HSD17B12: variants seen among roughly 807,000 people sequenced by gnomAD.
HSD17B12 encodes the protein very-long-chain 3-oxoacyl-CoA reductase.
A neutral mutation model predicts 39.3 loss-of-function variants in HSD17B12; 32 were observed. The ratio of observed to expected loss-of-function variants is 0.81; its 90% CI spans 0.61 to 1.09. The LOEUF is 1.09. HSD17B12 is among the 50% of genes least tolerant of loss of function. The pLI is 0.00. For synonymous variants in HSD17B12, 150 were observed against 146.7 expected, an observed-to-expected ratio of 1.02 and a Z score of -0.16; for missense variants, 342 against 382.9, an observed-to-expected ratio of 0.89 and a Z score of 0.89.
chr11:43,578,508 C>G, the HSD17B12 span, among the ~76,000 whole-genome samples: 1 of 152,202 alleles, frequency 6.6e-6, no homozygotes. Flanking sequence ...ACAAATAACG[C>G]TGCAACCCAC....
chr11:43,685,170 G>A (rs944260885), intron 1 of HSD17B12, among the ~76,000 whole-genome samples: 1 of 152,146 alleles, frequency 6.6e-6, no homozygotes, highest in African/African-American at 2.4e-5. Context: ...GTTGCTGATG[G>A]AACTCGTTTG....
intron 4 of HSD17B12, among the ~76,000 whole-genome samples, chr11:43,810,394 TATATATATAA>T (rs146820920): frequency 0.072 from 8,045 of 111,356 alleles, 361 homozygotes; most frequent in African/African-American, 0.15. Flanking sequence ...TATATATATA[TATATATATAA>T]AATTCAGAAT....
chr11:43,742,112 A>AAT (rs1168038073), intron 1 of HSD17B12, among the ~76,000 whole-genome samples: 4,734 of 92,946 alleles, frequency 0.051, 135 homozygotes, highest in Non-Finnish European at 0.071. Flanking sequence ...AGGCAAAGGA[A>AAT]ATATATATAT....
intron 9 of HSD17B12, among the ~76,000 whole-genome samples, chr11:43,843,164 C>G (rs942602283): frequency 1.3e-5 from 2 of 151,920 alleles, no homozygotes; most frequent in African/African-American, 2.4e-5. Context: ...AATAAAGACT[C>G]AAATGTTTGT....
At chr11:43,736,260 C>T (rs575392448) in intron 1 of HSD17B12, among the ~76,000 whole-genome samples, 2 of 152,076 alleles carry the variant, frequency 1.3e-5, no homozygotes, top group African/African-American at 4.8e-5. Flanking sequence ...GAGTAACTGC[C>T]TTTAAGCAAA....
chr11:43,571,245 G>A, the HSD17B12 span, among the ~76,000 whole-genome samples: 3 of 152,174 alleles, frequency 2.0e-5, no homozygotes, highest in South Asian at 2.1e-4. Context: ...ACAAGGTTAA[G>A]GCTAAACTTA....
At chr11:43,767,663 C>G (rs1353372114) in intron 3 of HSD17B12, among the ~76,000 whole-genome samples, 2 of 152,026 alleles carry the variant, frequency 1.3e-5, no homozygotes, top group African/African-American at 2.4e-5. Flanking sequence ...ATACTAGAAT[C>G]AAAGAGAAAA....
intron 1 of HSD17B12, among the ~76,000 whole-genome samples, chr11:43,735,453 C>T (rs1003043465): frequency 1.3e-5 from 2 of 152,150 alleles, no homozygotes; most frequent in African/African-American, 2.4e-5. Context: ...TAAAAAATTA[C>T]GGTCAACCTA....
intron 9 of HSD17B12, among the ~76,000 whole-genome samples, chr11:43,842,572 C>T (rs754438359): frequency 3.0e-4 from 45 of 152,198 alleles, no homozygotes; most frequent in Non-Finnish European, 5.1e-4. Context: ...GTTAGTAATG[C>T]GAATGTTCTA....
At chr11:43,558,019 G>T in the HSD17B12 span, among the ~76,000 whole-genome samples, 1 of 152,176 alleles carries the variant, frequency 6.6e-6, no homozygotes, top group Admixed American at 6.5e-5. Flanking sequence ...TTTCCGTTGG[G>T]TTCTGGTCCT....
intron 1 of HSD17B12, among the ~76,000 whole-genome samples, chr11:43,738,611 G>T (rs1950337294): frequency 6.6e-6 from 1 of 152,172 alleles, no homozygotes; most frequent in Non-Finnish European, 1.5e-5. Context: ...AAAGCAGTGG[G>T]TAGGGTCATA....
intron 1 of HSD17B12, among the ~76,000 whole-genome samples, chr11:43,740,213 G>A (rs1950351667): frequency 6.6e-6 from 1 of 152,150 alleles, no homozygotes; most frequent in Non-Finnish European, 1.5e-5. Flanking sequence ...AGCATGAATT[G>A]AGTGAGGAGG....
the HSD17B12 span, among the ~76,000 whole-genome samples, chr11:43,571,725 G>A: frequency 6.6e-6 from 1 of 152,174 alleles, no homozygotes; most frequent in African/African-American, 2.4e-5. Context: ...AAGGGGGAAG[G>A]GGTGGAATTA....
chr11:43,619,200 TATATATATATATAAAATATATATATA>T, the HSD17B12 span, among the ~76,000 whole-genome samples: 241 of 49,546 alleles, frequency 4.9e-3, 1 homozygote, highest in African/African-American at 0.016. Flanking sequence ...ATATATATGA[TATATATATATATAAAATATATATATA>T]TGATATATAT....
At chr11:43,582,276 C>G in the HSD17B12 span, among the ~76,000 whole-genome samples, 1 of 152,092 alleles carries the variant, frequency 6.6e-6, no homozygotes, top group Non-Finnish European at 1.5e-5. Flanking sequence ...GGAACAGAAG[C>G]AGCAGCAGCA....
the HSD17B12 span, among the ~76,000 whole-genome samples, chr11:43,630,125 G>A: frequency 1.3e-5 from 2 of 151,972 alleles, no homozygotes; most frequent in African/African-American, 2.4e-5. Flanking sequence ...TGGCCTACAG[G>A]GTTCCTTATA....
chr11:43,691,531 G>A lies in HSD17B12; in HGVS notation c.160+10544G>A, dbSNP rs777761923. Among the ~76,000 whole-genome samples, 7 of 152,008 alleles carry A rather than the reference G, an allele frequency of 4.6e-5. No individual in the cohort carries two copies. In the East Asian group the frequency reaches 1.2e-3, roughly 25 times the overall value. On this transcript the variant is annotated intron_variant, in intron 1 of 10. Coordinates refer to ENST00000278353, the MANE Select transcript of HSD17B12 (RefSeq NM_016142.3). The stretch of plus-strand genomic sequence containing the variant: ...TGAATCTACCACTACAGTCTCTCTC[G>A]CATCCATACCTTCCTCTATGTTCTC...
At chr11:43,826,459 A>G (rs1238392612) in intron 6 of HSD17B12, among the ~76,000 whole-genome samples, 1 of 152,066 alleles carries the variant, frequency 6.6e-6, no homozygotes, top group Non-Finnish European at 1.5e-5. Flanking sequence ...ATTGGCATGG[A>G]GCTCTTTGTT....
chr11:43,669,273 G>T, the HSD17B12 span, among the ~76,000 whole-genome samples: 1 of 152,042 alleles, frequency 6.6e-6, no homozygotes, highest in African/African-American at 2.4e-5. Flanking sequence ...GGCTGAGGTG[G>T]GTGAATCACT....
Sources: gnomAD v4.1 joint callset for allele counts (sites outside exome capture counted in the v4.1 genomes callset) on GRCh38, gnomAD v4.1.1 for gene constraint, MANE v1.5 for transcripts, NCBI Gene and HGNC (gene_info 2026-07-23, HGNC 2026-07-21) for gene names.